The following KIF6 variants were observed in gnomAD, a reference collection of about 807,000 sequenced individuals.
The protein encoded by KIF6 is kinesin-like protein KIF6.
In KIF6, 106 loss-of-function variants were observed where a neutral mutation model predicts 112.7. The observed-to-expected ratio is 0.94, with a 90% CI of 0.80 to 1.11. The LOEUF (loss-of-function observed/expected upper bound fraction) is 1.11, where lower values mean the gene tolerates loss of function less well. Among genes scored for constraint, KIF6 ranks in the 50% least tolerant of loss-of-function variants. KIF6 has a pLI of 0.00. For synonymous variants in KIF6, 339 were observed against 339.9 expected (o/e 1.00, Z 0.03); for missense variants, 929 against 964.0 (o/e 0.96, Z 0.48).
At chr6:39,438,721 G>C (rs1235357203) in intron 13 of KIF6, among the ~76,000 whole-genome samples, 1 of 152,128 alleles carries the variant, frequency 6.6e-6, no homozygotes, top group African/African-American at 2.4e-5. Flanking sequence ...TAGTAAAAAT[G>C]AATTTAGTGT....
At chr6:39,459,966 C>T (rs1435784659) in intron 13 of KIF6, among the ~76,000 whole-genome samples, 1,566 of 116,440 alleles carry the variant, frequency 0.013, 14 homozygotes, top group Non-Finnish European at 0.021. Flanking sequence ...GTCAGTGTGG[C>T]GATTCCTCAG....
chr6:39,495,977 C>T (rs889394621), intron 13 of KIF6, among the ~76,000 whole-genome samples: 1 of 152,196 alleles, frequency 6.6e-6, no homozygotes, highest in Non-Finnish European at 1.5e-5. Flanking sequence ...AATGTGAAAG[C>T]CATTTCATCT....
intron 5 of KIF6, among the ~76,000 whole-genome samples, chr6:39,615,114 A>G (rs1783433271): frequency 6.6e-6 from 1 of 152,018 alleles, no homozygotes; most frequent in African/African-American, 2.4e-5. Flanking sequence ...TCAAGGCTGC[A>G]GTGAGCTATG....
intron 10 of KIF6, among the ~76,000 whole-genome samples, chr6:39,570,116 G>A (rs1464365211): frequency 1.3e-5 from 2 of 152,082 alleles, no homozygotes; most frequent in Non-Finnish European, 2.9e-5. Flanking sequence ...CTATGTGTTT[G>A]GATTTAAACT....
At chr6:39,685,115 G>C (rs980093657) in intron 3 of KIF6, among the ~76,000 whole-genome samples, 5 of 152,242 alleles carry the variant, frequency 3.3e-5, no homozygotes, top group African/African-American at 7.2e-5. Flanking sequence ...GAAGGGATGA[G>C]AGTAAATGAA....
intron 15 of KIF6, among the ~76,000 whole-genome samples, chr6:39,396,814 A>T (rs909621663): frequency 6.6e-5 from 10 of 152,178 alleles, no homozygotes; most frequent in Non-Finnish European, 1.5e-4. Flanking sequence ...AAAAGTAATG[A>T]TTATGAGGTG....
intron 3 of KIF6, chr6:39,690,099 G>A (rs547452947): frequency 1.3e-5 from 2 of 152,252 alleles, no homozygotes; most frequent in East Asian, 3.9e-4. Context: ...TTTATATAAT[G>A]TGAATATTAT....
At chr6:39,503,965 CA>C (rs35107890) in intron 13 of KIF6, among the ~76,000 whole-genome samples, 2 of 152,016 alleles carry the variant, frequency 1.3e-5, no homozygotes, top group Non-Finnish European at 2.9e-5. Context: ...GAAACTATTC[CA>C]AAAAGTTGAA....
At chr6:39,678,172 G>A (rs1350611432) in intron 3 of KIF6, among the ~76,000 whole-genome samples, 2 of 151,614 alleles carry the variant, frequency 1.3e-5, no homozygotes, top group Admixed American at 6.6e-5. Context: ...GAGAGGATGC[G>A]GAGAAATAGG....
In KIF6 at chr6:39,385,766, A is replaced by G. The variant is rs1767363125; in HGVS notation, c.1811-94T>C. ...ATGTGGCAAGCTACAGAAAAAAAAA[A>G]AAAAAGGTAGAGTAAGGGAAACAAA... On this transcript the variant is annotated intron_variant, in intron 15 of 22. Coordinates refer to ENST00000287152, the MANE Select transcript of KIF6 (RefSeq NM_145027.6). 9.4e-5 allele frequency: 77 copies of G among 818,034 alleles called. 1 individual carries two copies. The South Asian group carries it at 9.8e-4, about 10-fold the overall frequency. 50.7% of individuals were successfully genotyped at this position (818,034 alleles called of 1,614,324 possible). A position where few individuals can be genotyped will look rare whatever the true frequency, so the allele number is the denominator to read the frequency against.
At chr6:39,548,368 A>G (rs1274473730) in intron 10 of KIF6, among the ~76,000 whole-genome samples, 1 of 152,234 alleles carries the variant, frequency 6.6e-6, no homozygotes, top group East Asian at 1.9e-4. Flanking sequence ...AAGGAGGACC[A>G]GGGACATGAT....
rs187455801 is a variant in KIF6, at chr6:39,501,923, C to T, written c.1645+38080G>A. On this transcript the variant is annotated intron_variant, in intron 13 of 22. Transcript: ENST00000287152. ...TGGAAAAGACACTTCAGGAAATCATCCAGGAGAACTTCCCCAACCTAGCAA... is the reference window on the plus strand; with the variant it reads ...TGGAAAAGACACTTCAGGAAATCATTCAGGAGAACTTCCCCAACCTAGCAA... Among the ~76,000 whole-genome samples the T allele has an allele frequency of 6.6e-5, 10 of 152,246 alleles. No homozygotes were observed. In the East Asian group the frequency reaches 1.3e-3, roughly 21 times the overall value.
intron 16 of KIF6, among the ~76,000 whole-genome samples, chr6:39,381,309 C>G (rs1169252101): frequency 6.6e-6 from 1 of 151,968 alleles, no homozygotes; most frequent in Non-Finnish European, 1.5e-5. Flanking sequence ...GAAACAATAA[C>G]AGAGGAAATA....
chr6:39,521,669 T>G (rs991801137), intron 13 of KIF6, among the ~76,000 whole-genome samples: 6 of 152,104 alleles, frequency 3.9e-5, no homozygotes, highest in African/African-American at 1.4e-4. Flanking sequence ...GGTTCCAACT[T>G]CCACAGGATG....
intron 3 of KIF6, among the ~76,000 whole-genome samples, chr6:39,670,207 T>C (rs975928408): frequency 6.6e-6 from 1 of 152,186 alleles, no homozygotes; most frequent in South Asian, 2.1e-4. Flanking sequence ...ATCTCTATAG[T>C]AACAATTTGT....
chr6:39,585,017 TG>T, intron 8 of KIF6, 33 bp from the exon 9 acceptor site: 1 of 1,162,270 alleles, frequency 8.6e-7, no homozygotes, highest in East Asian at 2.3e-5. Flanking sequence ...TAAAATATTA[TG>T]GCATAGAGAG....
At chr6:39,661,226 G>A (rs921165636) in intron 3 of KIF6, among the ~76,000 whole-genome samples, 9 of 151,976 alleles carry the variant, frequency 5.9e-5, no homozygotes, top group Admixed American at 2.0e-4. Flanking sequence ...TTTTTAAATG[G>A]TTAGGCTCAA....
chr6:39,399,871 G>A (rs778060151), intron 15 of KIF6, among the ~76,000 whole-genome samples: 1 of 152,208 alleles, frequency 6.6e-6, no homozygotes, highest in Non-Finnish European at 1.5e-5. Context: ...AGATGCCATC[G>A]CCAGGGCCAC....
At chr6:39,383,164 T>C (rs1007175387) in intron 16 of KIF6, among the ~76,000 whole-genome samples, 5 of 152,178 alleles carry the variant, frequency 3.3e-5, no homozygotes, top group Admixed American at 2.0e-4. Context: ...AGTTCTTTAG[T>C]TTAATTAAGT....
Sources: gnomAD v4.1 joint callset for allele counts (sites outside exome capture counted in the v4.1 genomes callset) on GRCh38, gnomAD v4.1.1 for gene constraint, MANE v1.5 for transcripts, NCBI Gene and HGNC (gene_info 2026-07-23, HGNC 2026-07-21) for gene names.